The following CTNNA3 variants were observed in gnomAD, a reference collection of about 807,000 sequenced individuals.
The protein encoded by CTNNA3 is catenin alpha-3.
CTNNA3 carries 76 observed loss-of-function variants against 95.7 expected under a neutral mutation model. The ratio of observed to expected loss-of-function variants is 0.79; its 90% CI spans 0.66 to 0.96. The LOEUF (loss-of-function observed/expected upper bound fraction) is 0.96. Ranked by LOEUF, CTNNA3 falls within the 40% of genes least tolerant of loss-of-function variation. CTNNA3 has a pLI of 0.00. For missense variants in CTNNA3, 1,191 were observed against 1,089.8 expected (o/e 1.09, Z -1.31); for synonymous variants, 431 against 374.4 (o/e 1.15, Z -1.74).
intron 7 of CTNNA3, among the ~76,000 whole-genome samples, chr10:67,126,490 G>A (rs930776755): frequency 1.3e-5 from 2 of 152,326 alleles, no homozygotes; most frequent in South Asian, 2.1e-4. Flanking sequence ...CACTTGGCTT[G>A]CAGCGAGCCA....
intron 3 of CTNNA3, among the ~76,000 whole-genome samples, chr10:67,592,073 C>T (rs945186454): frequency 6.6e-6 from 1 of 152,108 alleles, no homozygotes; most frequent in Non-Finnish European, 1.5e-5. Context: ...CTGGTTCCTT[C>T]TGAATGATGT....
chr10:67,132,210 A>C (rs140639914), intron 7 of CTNNA3, among the ~76,000 whole-genome samples: 5 of 152,146 alleles, frequency 3.3e-5, no homozygotes, highest in Non-Finnish European at 7.4e-5. Flanking sequence ...TGCTAAATAC[A>C]TTGCAAAGCA....
At chr10:66,349,806 A>G (rs75129098) in intron 12 of CTNNA3, among the ~76,000 whole-genome samples, 4,555 of 152,154 alleles carry the variant, frequency 0.03, 217 homozygotes, top group African/African-American at 0.1. Flanking sequence ...TTTAAACTGC[A>G]ACTTTACCAT....
chr10:66,302,217 G>A (rs1336600094), intron 12 of CTNNA3, among the ~76,000 whole-genome samples: 1 of 151,904 alleles, frequency 6.6e-6, no homozygotes, highest in Admixed American at 6.5e-5. Context: ...ATAGGACTCA[G>A]TATGGTCTAG....
chr10:66,242,959 C>A (rs1398950121), intron 13 of CTNNA3, among the ~76,000 whole-genome samples: 1 of 152,146 alleles, frequency 6.6e-6, no homozygotes, highest in Non-Finnish European at 1.5e-5. Flanking sequence ...AAATAAAATT[C>A]TAAGCCCCCT....
intron 10 of CTNNA3, among the ~76,000 whole-genome samples, chr10:66,538,223 A>C (rs1281664299): frequency 6.6e-6 from 1 of 152,068 alleles, no homozygotes; most frequent in Non-Finnish European, 1.5e-5. Flanking sequence ...TGTGCACAGG[A>C]GAGCAGATAA....
chr10:66,174,036 T>C (rs116714291), intron 13 of CTNNA3, among the ~76,000 whole-genome samples: 4,608 of 152,252 alleles, frequency 0.03, 244 homozygotes, highest in African/African-American at 0.11. Flanking sequence ...GGCACTCTGA[T>C]GCTTTCAATA....
intron 15 of CTNNA3, among the ~76,000 whole-genome samples, chr10:66,020,839 T>C (rs79372066): frequency 6.6e-6 from 1 of 151,618 alleles, no homozygotes; most frequent in Non-Finnish European, 1.5e-5. Context: ...ACCCAGCTAA[T>C]TTTTTTTGTA....
intron 17 of CTNNA3, among the ~76,000 whole-genome samples, chr10:65,949,088 G>C (rs939901278): frequency 2.6e-5 from 4 of 152,038 alleles, no homozygotes; most frequent in Non-Finnish European, 5.9e-5. Context: ...AAAACTTCCT[G>C]TAATTTATTA....
chr10:66,088,418 G>T (rs1244295671), intron 14 of CTNNA3, among the ~76,000 whole-genome samples: 1 of 150,038 alleles, frequency 6.7e-6, no homozygotes, highest in Non-Finnish European at 1.5e-5. Flanking sequence ...TTTAGATCTG[G>T]TATCATTTAT....
At chr10:66,782,731 A>C (rs1205691898) in intron 7 of CTNNA3, among the ~76,000 whole-genome samples, 3 of 152,152 alleles carry the variant, frequency 2.0e-5, no homozygotes, top group African/African-American at 7.2e-5. Context: ...GTAATATTCA[A>C]GCTATATTAT....
chr10:67,197,217 T>C (rs571079737), intron 6 of CTNNA3, among the ~76,000 whole-genome samples: 2 of 152,220 alleles, frequency 1.3e-5, no homozygotes, highest in African/African-American at 4.8e-5. Flanking sequence ...TTCCTGTCAT[T>C]TCCGAGGTTT....
intron 7 of CTNNA3, among the ~76,000 whole-genome samples, chr10:67,043,522 C>T (rs1262734244): frequency 6.6e-6 from 1 of 152,118 alleles, no homozygotes; most frequent in Non-Finnish European, 1.5e-5. Flanking sequence ...GGGTTTATTT[C>T]AATGATTTCT....
chr10:66,991,456 T>C (rs1564816953), intron 7 of CTNNA3, among the ~76,000 whole-genome samples: 1 of 152,214 alleles, frequency 6.6e-6, no homozygotes, highest in East Asian at 1.9e-4. Flanking sequence ...TCTCTATTTA[T>C]TTTGATTTTT....
chr10:67,338,041 A>G (rs375345183), intron 5 of CTNNA3, among the ~76,000 whole-genome samples: 9 of 152,298 alleles, frequency 5.9e-5, no homozygotes, highest in Admixed American at 2.6e-4. Flanking sequence ...CTAGGAAAAT[A>G]CTTGAAATGT....
At chr10:66,087,865 A>G (rs1480718582) in intron 14 of CTNNA3, among the ~76,000 whole-genome samples, 1 of 152,148 alleles carries the variant, frequency 6.6e-6, no homozygotes, top group East Asian at 1.9e-4. Context: ...TGGAAATGAA[A>G]GAATATTTAG....
At chr10:65,950,096 A>G (rs2077584404) in intron 17 of CTNNA3, among the ~76,000 whole-genome samples, 1 of 152,192 alleles carries the variant, frequency 6.6e-6, no homozygotes, top group Non-Finnish European at 1.5e-5. Context: ...TTTGCTATTA[A>G]TAACATTCAG....
At chr10:65,950,035 T>G (rs2077583372) in intron 17 of CTNNA3, among the ~76,000 whole-genome samples, 1 of 152,066 alleles carries the variant, frequency 6.6e-6, no homozygotes, top group Non-Finnish European at 1.5e-5. Flanking sequence ...GTGGAACAGA[T>G]GAAAGCATGA....
intron 7 of CTNNA3, among the ~76,000 whole-genome samples, chr10:67,154,328 C>T (rs1223604216): frequency 6.6e-6 from 1 of 152,040 alleles, no homozygotes; most frequent in African/African-American, 2.4e-5. Context: ...ATATTACCAA[C>T]TCCCTAAGGA....
Sources: allele counts gnomAD v4.1 joint callset (sites outside exome capture counted in the v4.1 genomes callset), GRCh38; gene constraint gnomAD v4.1.1; transcripts MANE v1.5; gene names NCBI Gene and HGNC (gene_info 2026-07-23, HGNC 2026-07-21).